IBTK: variants seen among roughly 807,000 people sequenced by gnomAD.
IBTK encodes the protein inhibitor of Bruton tyrosine kinase.
IBTK carries 83 observed loss-of-function variants against 154.9 expected under a neutral mutation model. That is an observed-to-expected ratio of 0.54 (90% CI 0.45 to 0.64). IBTK has a LOEUF of 0.64. IBTK is among the 30% of genes least tolerant of loss of function. The pLI, the probability that IBTK is intolerant of heterozygous loss-of-function variation, is 0.00. For synonymous variants in IBTK, 515 were observed against 536.1 expected (o/e 0.96, Z 0.54); for missense variants, 1,332 against 1,584.6 (o/e 0.84, Z 2.71).
chr6:82,216,297 T>C, intron 10 of IBTK, 47 bp from the exon 11 acceptor site: 1 of 1,214,704 alleles, frequency 8.2e-7, no homozygotes, highest in Non-Finnish European at 1.2e-6. Flanking sequence ...TTACTGAAAC[T>C]ACTAAAATGA....
intron 5 of IBTK, among the ~76,000 whole-genome samples, chr6:82,226,042 TG>T (rs1770286083): frequency 6.6e-6 from 1 of 152,210 alleles, no homozygotes; most frequent in Admixed American, 6.5e-5. Context: ...CATATTCCTT[TG>T]GAGTCATTTA....
At chr6:82,211,214 C>T (rs1304987226) in intron 15 of IBTK, among the ~76,000 whole-genome samples, 153 bp downstream of exon 15, 1 of 152,046 alleles carries the variant, frequency 6.6e-6, no homozygotes, top group Admixed American at 6.6e-5. Flanking sequence ...CTAAGTGTTG[C>T]TATTTTCCAG....
At chr6:82,196,843 C>T (rs926720745) in intron 21 of IBTK, among the ~76,000 whole-genome samples, 2 of 152,156 alleles carry the variant, frequency 1.3e-5, no homozygotes, top group East Asian at 1.9e-4. Context: ...CAGTGGTCTC[C>T]GCACCCAAGC....
intron 26 of IBTK, among the ~76,000 whole-genome samples, chr6:82,174,008 G>A (rs1278014722): frequency 6.6e-6 from 1 of 152,076 alleles, no homozygotes; most frequent in African/African-American, 2.4e-5. Context: ...TATGATGAAA[G>A]CAGTAAGAAG....
intron 8 of IBTK, 115 bp downstream of exon 8, chr6:82,223,325 T>C: frequency 1.3e-6 from 1 of 777,860 alleles, no homozygotes; most frequent in Non-Finnish European, 1.8e-6. Flanking sequence ...TTTTTCCTCA[T>C]TCAATTTTTT....
chr6:82,197,181 G>GAAT (rs1769022073), intron 21 of IBTK, among the ~76,000 whole-genome samples: 1 of 152,000 alleles, frequency 6.6e-6, no homozygotes, highest in African/African-American at 2.4e-5. Context: ...ACCAAAATAA[G>GAAT]CTATAAAATA....
At chr6:82,236,673 T>A (rs1770730315) in intron 2 of IBTK, among the ~76,000 whole-genome samples, 1 of 152,230 alleles carries the variant, frequency 6.6e-6, no homozygotes, top group South Asian at 2.1e-4. Flanking sequence ...TTACAAATGT[T>A]ATAGCTATGA....
intron 11 of IBTK, among the ~76,000 whole-genome samples, 164 bp from the exon 12 acceptor site, chr6:82,214,993 C>G (rs1243233279): frequency 6.6e-6 from 1 of 152,152 alleles, no homozygotes; most frequent in Non-Finnish European, 1.5e-5. Flanking sequence ...GTCCTAGATG[C>G]TATATCATCC....
chr6:82,185,578 G>C (rs1184158053), intron 25 of IBTK, among the ~76,000 whole-genome samples: 3 of 150,138 alleles, frequency 2.0e-5, no homozygotes, highest in African/African-American at 7.4e-5. Context: ...ATGCATACGA[G>C]ATATGTTCTC....
Position 82,247,667 on chromosome 6 carries a change from G to C in IBTK, c.-463C>G, listed in dbSNP as rs1771208146. 7.5e-6 allele frequency: 3 copies of C among 398,882 alleles called. No homozygotes were observed. The highest frequency in any genetic ancestry group is 8.8e-5 in the Admixed American group (2 of 22,746). 24.7% of individuals were successfully genotyped at this position (398,882 alleles called of 1,614,324 possible). On this transcript the variant is annotated 5_prime_UTR_variant, in exon 1 of 29. Transcript: ENST00000306270. ...ATAAGAGAAACCGAACGGCGCCAGA[G>C]GGGCCAGTCCCCAGACCCGGGTCAG...
rs1232366657 is a variant in IBTK at position 82,214,357 on chromosome 6, G to C, written c.2074C>G (p.Gln692Glu). The change falls in exon 12 of 29, where the codon CAA becomes GAA. Residue 692 changes from glutamine to glutamate, a missense_variant. By Grantham distance (29) the Gln-to-Glu change is conservative. This residue lies in a region of IBTK where 1,134 missense variants were observed against 1,274.7 expected (regional missense o/e 0.89). Coordinates refer to ENST00000306270, the MANE Select transcript of IBTK (RefSeq NM_015525.4). ...AFEVYKSNQA[Q>E]TVSERQKSKP... ...CTCTTCTGCCTCTCACTAACTGTTTGAGCTTGATTACTTTTGTAAACTTCA... is the reference window on the plus strand; with the variant it reads ...CTCTTCTGCCTCTCACTAACTGTTTCAGCTTGATTACTTTTGTAAACTTCA... 1.2e-6 allele frequency: 2 copies of C among 1,613,984 alleles called. No individual in the cohort carries two copies. Among genetic ancestry groups the C allele is most frequent in the South Asian group, 2.2e-5 (2 of 91,080 alleles).
At position 82,217,902 on chromosome 6, in the gene IBTK, G is replaced by T. The variant is rs1316188964; in HGVS notation, c.1426+58C>A. The stretch of plus-strand genomic sequence containing the variant: ...CACTTGTCAGTTGAACCTAATACTT[G>T]TCAAATTAAAGGATAATTGAAAGGT... On this transcript the variant is annotated intron_variant, in intron 10 of 28. Coordinates refer to ENST00000306270, the MANE Select transcript of IBTK (RefSeq NM_015525.4). The T allele has an allele frequency of 3.3e-6, 4 of 1,198,348 alleles. No homozygotes were observed. In the African/African-American group the frequency reaches 6.2e-5, roughly 19 times the overall value. 74.2% of individuals were successfully genotyped at this position (1,198,348 alleles called of 1,614,324 possible).
Position 82,171,216 on chromosome 6 carries a change from C to T in IBTK, c.*209G>A, listed in dbSNP as rs1177179932. 5.9e-6 allele frequency: 2 copies of T among 337,670 alleles called. No individual in the cohort carries two copies. The highest frequency in any genetic ancestry group is 5.3e-6 in the Non-Finnish European group (1 of 188,466). The allele number at this position is 337,670 out of a possible 1,614,324, so 20.9% of individuals were successfully genotyped here. On this transcript the variant is annotated 3_prime_UTR_variant, in exon 29 of 29. Transcript: ENST00000306270. ...AACCTTAATAAGTTTTTGTCTCACA[C>T]ATTTTATATAAAGTTACTAAAATCA...
At chr6:82,232,106 A>G (rs1770531868) in intron 3 of IBTK, among the ~76,000 whole-genome samples, 1 of 150,890 alleles carries the variant, frequency 6.6e-6, no homozygotes, top group South Asian at 2.1e-4. Context: ...TGTTGCCCAG[A>G]CTGGTCTTCA....
intron 10 of IBTK, among the ~76,000 whole-genome samples, chr6:82,217,343 A>G (rs1184692852): frequency 2.6e-5 from 4 of 152,154 alleles, no homozygotes; most frequent in African/African-American, 9.6e-5. Context: ...ACACTCAGTC[A>G]TTCCAATTTC....
intron 5 of IBTK, 152 bp downstream of exon 5, chr6:82,227,030 AATTTAAACAT>A: frequency 7.7e-6 from 4 of 517,656 alleles, no homozygotes; most frequent in Non-Finnish European, 1.0e-5. Flanking sequence ...GTAAATCCTT[AATTTAAACAT>A]GATATATCAG....
intron 1 of IBTK, among the ~76,000 whole-genome samples, chr6:82,247,090 T>C (rs149295164): frequency 6.6e-6 from 1 of 152,288 alleles, no homozygotes; most frequent in African/African-American, 2.4e-5. Flanking sequence ...AATCAGTTCC[T>C]TTTTACATAG....
At chr6:82,224,000 A>T in intron 7 of IBTK, 68 bp downstream of exon 7, 1 of 902,674 alleles carries the variant, frequency 1.1e-6, no homozygotes, top group Non-Finnish European at 1.8e-6. Context: ...AATAAAAATT[A>T]AAAAGAAAAG....
intron 9 of IBTK, among the ~76,000 whole-genome samples, chr6:82,218,788 T>C (rs1769967049): frequency 6.6e-6 from 1 of 152,168 alleles, no homozygotes; most frequent in South Asian, 2.1e-4. Flanking sequence ...CAATTTCATT[T>C]GAAAAATTGG....
Sources: gnomAD v4.1 joint callset for allele counts (sites outside exome capture counted in the v4.1 genomes callset) on GRCh38, gnomAD v4.1.1 for gene constraint, gnomAD v4.1.1 regional missense constraint, MANE v1.5 for transcripts, NCBI Gene and HGNC (gene_info 2026-07-23, HGNC 2026-07-21) for gene names.